The following DST variants were observed in gnomAD, a reference collection of about 807,000 sequenced individuals.
The protein encoded by DST is dystonin.
DST carries 253 observed loss-of-function variants against 875.2 expected under a neutral mutation model. That is an observed-to-expected ratio of 0.29 (90% CI 0.26 to 0.32). The LOEUF is 0.32. DST is among the 10% of genes least tolerant of loss of function. The pLI, the probability that DST is intolerant of heterozygous loss-of-function variation, is 1.00. For missense variants in DST, 8,287 were observed against 9,111.6 expected (o/e 0.91, Z 3.68); for synonymous variants, 3,124 against 3,197.1 (o/e 0.98, Z 0.77).
rs180724232 is a variant in DST at position 56,603,238 on chromosome 6, C to T, written c.11124G>A (p.Thr3708=). ...AGTCGATCGCAAGCATGATCTGTTT[C>T]GTTCTTTCTGAAGACACGTTGCTGA... ...SSLSNVSSER[T]KQIMLAIDSE... The change falls in exon 42 of 104, where the codon ACG becomes ACA. Residue 3708 remains threonine, a synonymous_variant. Transcript: ENST00000680361. 1.2e-5 allele frequency: 19 copies of T among 1,605,662 alleles called. No individual in the cohort carries two copies. The highest frequency in any genetic ancestry group is 6.7e-5 in the East Asian group (3 of 44,632).
intron 5 of DST, among the ~76,000 whole-genome samples, chr6:56,706,493 C>G (rs946662872): frequency 6.6e-6 from 1 of 152,182 alleles, no homozygotes; most frequent in Admixed American, 6.5e-5. Context: ...AGGAACATAT[C>G]TATTACATGC....
At chr6:56,671,736 C>T (rs1432877303) in intron 9 of DST, among the ~76,000 whole-genome samples, 1 of 152,148 alleles carries the variant, frequency 6.6e-6, no homozygotes, top group Admixed American at 6.5e-5. Flanking sequence ...GTGCAAGACG[C>T]AAAGCCAAGG....
At chr6:56,612,035 T>G (rs1031827161) in intron 37 of DST, among the ~76,000 whole-genome samples, 2 of 152,020 alleles carry the variant, frequency 1.3e-5, no homozygotes, top group Admixed American at 1.3e-4. Flanking sequence ...TTTGAAAAAA[T>G]TATGGTGAAA....
intron 3 of DST, among the ~76,000 whole-genome samples, chr6:56,853,550 T>C (rs1766350843): frequency 1.3e-5 from 2 of 151,246 alleles, no homozygotes; most frequent in African/African-American, 4.9e-5. Flanking sequence ...TGAGATTATA[T>C]TTCTTGTTAC....
intron 7 of DST, 59 bp downstream of exon 7, chr6:56,703,589 G>C (rs1052476431): frequency 1.5e-6 from 1 of 655,636 alleles, no homozygotes; most frequent in African/African-American, 2.0e-5. Flanking sequence ...TTCTCTATCA[G>C]GTTAGCGCTC....
chr6:56,905,647 T>C (rs1200959585), intron 2 of DST, among the ~76,000 whole-genome samples: 1 of 151,900 alleles, frequency 6.6e-6, no homozygotes, highest in African/African-American at 2.4e-5. Flanking sequence ...GTTTTCTTTT[T>C]CTCTACTTTT....
chr6:56,871,218 A>T (rs892577288), intron 3 of DST: 6 of 766,360 alleles, frequency 7.8e-6, no homozygotes, highest in African/African-American at 1.7e-5. Context: ...TGACCCAGAG[A>T]ACCACACAAA....
At chr6:56,832,350 G>C (rs909255578) in intron 4 of DST, among the ~76,000 whole-genome samples, 3 of 152,086 alleles carry the variant, frequency 2.0e-5, no homozygotes, top group Non-Finnish European at 1.5e-5. Flanking sequence ...ACTAGTTCTA[G>C]TAAGTCTCAC....
chr6:56,676,326 C>T (rs1466404474), intron 9 of DST, among the ~76,000 whole-genome samples: 1 of 152,170 alleles, frequency 6.6e-6, no homozygotes, highest in African/African-American at 2.4e-5. Context: ...CCTCAGCTGC[C>T]CAAAGTGCTG....
At chr6:56,939,165 A>G (rs1814928939) in intron 2 of DST, among the ~76,000 whole-genome samples, 2 of 152,236 alleles carry the variant, frequency 1.3e-5, no homozygotes. Context: ...GAGTTGGCAA[A>G]GTCACTGTGG....
chr6:56,795,799 GC>G (rs1243940007), intron 4 of DST, among the ~76,000 whole-genome samples: 1 of 152,084 alleles, frequency 6.6e-6, no homozygotes, highest in Admixed American at 6.6e-5. Context: ...AATAATGAAA[GC>G]CCAGAAGACA....
chr6:56,878,236 AAG>A (rs1448015940), intron 3 of DST, among the ~76,000 whole-genome samples: 3 of 152,174 alleles, frequency 2.0e-5, no homozygotes, highest in Non-Finnish European at 4.4e-5. Context: ...TTCCTCCTAG[AAG>A]AGAGGTTGGT....
At chr6:56,893,562 C>CTTTTTTTTATTTT (rs1788726951) in intron 3 of DST, among the ~76,000 whole-genome samples, 1 of 35,910 alleles carries the variant, frequency 2.8e-5, no homozygotes, top group Admixed American at 2.7e-4. Flanking sequence ...ACTTTTAGTT[C>CTTTTTTTTATTTT]TTTTTTTTTT....
intron 99 of DST, among the ~76,000 whole-genome samples, chr6:56,465,867 T>C (rs1223990478): frequency 8.9e-6 from 1 of 112,412 alleles, no homozygotes; most frequent in African/African-American, 3.0e-5. Context: ...CCAGAAAAAG[T>C]AAAAAAAAAA....
chr6:56,834,400 C>G (rs1312348974), intron 4 of DST, among the ~76,000 whole-genome samples: 4 of 152,060 alleles, frequency 2.6e-5, no homozygotes, highest in African/African-American at 9.7e-5. Context: ...AGTTTGAAAC[C>G]AGCCTAACCA....
At chr6:56,852,744 T>C (rs2127579985) in intron 3 of DST, among the ~76,000 whole-genome samples, 1 of 152,376 alleles carries the variant, frequency 6.6e-6, no homozygotes. Context: ...ATGGTAAAGA[T>C]GCAAAACTGG....
intron 4 of DST, chr6:56,843,329 G>T: frequency 6.6e-6 from 8 of 1,220,076 alleles, no homozygotes; most frequent in Non-Finnish European, 7.2e-6. Flanking sequence ...CGCCAGGGCC[G>T]GCAAAGGAAA....
chr6:56,600,022 C>T lies in DST; in HGVS notation c.11694+47G>A, dbSNP rs991009499. The stretch of plus-strand genomic sequence containing the variant: ...TCACTGACTTCCAAATGATAGTAAT[C>T]GAACATAACATCAACATAGATCTGC... On this transcript the variant is annotated intron_variant, in intron 45 of 103. Transcript: ENST00000680361. The T allele has an allele frequency of 4.6e-6, 7 of 1,514,742 alleles. No individual in the cohort carries two copies. In the African/African-American group the frequency reaches 5.6e-5, roughly 12 times the overall value. The allele number at this position is 1,514,742 out of a possible 1,614,324, so 93.8% of individuals were successfully genotyped here.
At chr6:56,472,421 A>C (rs2094943030) in intron 93 of DST, among the ~76,000 whole-genome samples, 199 bp from the exon 94 acceptor site, 1 of 152,206 alleles carries the variant, frequency 6.6e-6, no homozygotes, top group Non-Finnish European at 1.5e-5. Flanking sequence ...CTGTTCATGC[A>C]ATTTAAAGAA....
Sources: allele counts gnomAD v4.1 joint callset (sites outside exome capture counted in the v4.1 genomes callset), GRCh38; gene constraint gnomAD v4.1.1; transcripts MANE v1.5; gene names NCBI Gene and HGNC (gene_info 2026-07-23, HGNC 2026-07-21).